Variants in PRKD1 observed in about 807,000 individuals in gnomAD.
PRKD1 encodes the protein serine/threonine-protein kinase D1.
Under a neutral mutation model 95.9 loss-of-function variants are expected in PRKD1, and 63 were observed. The ratio of observed to expected loss-of-function variants is 0.66; its 90% CI spans 0.54 to 0.81. PRKD1 has a LOEUF of 0.81. Among genes scored for constraint, PRKD1 ranks in the 30% least tolerant of loss-of-function variants. The pLI is 0.00. For missense variants in PRKD1, 1,048 were observed against 1,165.3 expected (o/e 0.90, Z 1.47); for synonymous variants, 425 against 423.1 (o/e 1.00, Z -0.05).
At chr14:29,720,193 C>A (rs1885817484) in intron 2 of PRKD1, among the ~76,000 whole-genome samples, 1 of 152,108 alleles carries the variant, frequency 6.6e-6, no homozygotes, top group African/African-American at 2.4e-5. Context: ...GCTTTACAAG[C>A]AATTTTACTT....
chr14:29,902,929 G>A (rs1470227707), intron 1 of PRKD1, among the ~76,000 whole-genome samples: 1 of 152,068 alleles, frequency 6.6e-6, no homozygotes, highest in Non-Finnish European at 1.5e-5. Context: ...AACTAAAAAG[G>A]GAAAAAGAAA....
At position 29,630,746 on chromosome 14, in the gene PRKD1, C is replaced by T; in HGVS notation, c.1668G>A (p.Leu556=). The T allele has an allele frequency of 1.2e-6, 2 of 1,614,024 alleles. No homozygotes were observed. Among genetic ancestry groups the T allele is most frequent in the Non-Finnish European group, 1.7e-6 (2 of 1,179,962 alleles). The change falls in exon 10 of 18, where the codon TTG becomes TTA. Residue 556 remains leucine, a synonymous_variant. Coordinates refer to ENST00000331968, the MANE Select transcript of PRKD1 (RefSeq NM_002742.3). The part of the protein sequence containing the change: ...KGSSVGTGTN[L]HRDISVSISV... ...TTAGAAAACTGGCAGACTCACTGTG[C>T]AAGTTGGTTCCTGTACCCACGGAGG...
intron 2 of PRKD1, among the ~76,000 whole-genome samples, chr14:29,719,010 A>G (rs896650228): frequency 6.7e-6 from 1 of 149,412 alleles, no homozygotes; most frequent in Non-Finnish European, 1.5e-5. Context: ...ATATAATATT[A>G]TATCTAAGAG....
intron 1 of PRKD1, among the ~76,000 whole-genome samples, chr14:29,814,138 C>T (rs548290211): frequency 1.3e-5 from 2 of 152,324 alleles, no homozygotes; most frequent in East Asian, 3.9e-4. Context: ...AATTCCCTTG[C>T]AGCTTCATTT....
intron 1 of PRKD1, among the ~76,000 whole-genome samples, chr14:29,916,174 G>C (rs1213302284): frequency 1.3e-5 from 2 of 152,126 alleles, no homozygotes; most frequent in Non-Finnish European, 2.9e-5. Context: ...AGGCTCCTGG[G>C]ATAAGCTTTT....
At chr14:29,748,138 T>C (rs1887314576) in intron 1 of PRKD1, among the ~76,000 whole-genome samples, 1 of 152,202 alleles carries the variant, frequency 6.6e-6, no homozygotes, top group Non-Finnish European at 1.5e-5. Context: ...CACTGAAGAA[T>C]TATTATTTGC....
chr14:29,761,575 T>C (rs1047346408), intron 1 of PRKD1, among the ~76,000 whole-genome samples: 5 of 152,190 alleles, frequency 3.3e-5, no homozygotes, highest in African/African-American at 1.2e-4. Context: ...TTCTCATGCC[T>C]GATGTTATTA....
intron 2 of PRKD1, among the ~76,000 whole-genome samples, chr14:29,699,156 T>A (rs1229181155): frequency 6.6e-6 from 1 of 152,220 alleles, no homozygotes; most frequent in Non-Finnish European, 1.5e-5. Flanking sequence ...TATTTCTACA[T>A]GTGAAAGTAT....
At chr14:29,693,761 A>G (rs182550829) in intron 2 of PRKD1, among the ~76,000 whole-genome samples, 1 of 152,228 alleles carries the variant, frequency 6.6e-6, no homozygotes, top group East Asian at 1.9e-4. Flanking sequence ...TCTGAGGATG[A>G]AGACTTTATA....
intron 1 of PRKD1, among the ~76,000 whole-genome samples, chr14:29,828,998 G>T (rs1247097445): frequency 6.6e-6 from 1 of 152,094 alleles, no homozygotes; most frequent in African/African-American, 2.4e-5. Context: ...CTTTCTCTTA[G>T]GGGGCCTCTC....
intron 4 of PRKD1, among the ~76,000 whole-genome samples, chr14:29,648,381 G>T (rs923088264): frequency 6.6e-6 from 1 of 151,334 alleles, no homozygotes; most frequent in African/African-American, 2.4e-5. Context: ...GTAGTAGTAT[G>T]CTTTGTTACC....
At chr14:29,646,764 AAC>A (rs1470719984) in intron 4 of PRKD1, among the ~76,000 whole-genome samples, 91 of 152,092 alleles carry the variant, frequency 6.0e-4, no homozygotes, top group African/African-American at 2.1e-3. Flanking sequence ...AAAAAAAAAA[AAC>A]CCACACAGTC....
At chr14:29,911,118 CTT>C (rs1391568696) in intron 1 of PRKD1, among the ~76,000 whole-genome samples, 5 of 151,782 alleles carry the variant, frequency 3.3e-5, no homozygotes, top group African/African-American at 4.9e-5. Flanking sequence ...TATTGAAAAA[CTT>C]AAACTTTGCA....
At chr14:29,805,784 GCT>G (rs962691350) in intron 1 of PRKD1, among the ~76,000 whole-genome samples, 27 of 152,334 alleles carry the variant, frequency 1.8e-4, no homozygotes, top group African/African-American at 6.0e-4. Flanking sequence ...CATGGGCTCT[GCT>G]CTCTAGAACA....
intron 1 of PRKD1, among the ~76,000 whole-genome samples, chr14:29,750,099 G>A (rs1475116665): frequency 6.6e-6 from 1 of 152,112 alleles, no homozygotes; most frequent in Non-Finnish European, 1.5e-5. Context: ...CTCCCTCAGA[G>A]GCAGGATCAA....
chr14:29,849,583 A>C (rs1421196304), intron 1 of PRKD1, among the ~76,000 whole-genome samples: 3 of 149,370 alleles, frequency 2.0e-5, no homozygotes, highest in Non-Finnish European at 4.5e-5. Flanking sequence ...ACAACAAAAA[A>C]AAAACTACCA....
chr14:29,847,317 A>G (rs1338758844), intron 1 of PRKD1, among the ~76,000 whole-genome samples: 1 of 152,224 alleles, frequency 6.6e-6, no homozygotes, highest in Non-Finnish European at 1.5e-5. Flanking sequence ...TCAGCTGAGT[A>G]AGTGGCAGAG....
chr14:29,624,045 T>C (rs918667743), intron 13 of PRKD1, 107 bp downstream of exon 13: 3 of 742,896 alleles, frequency 4.0e-6, no homozygotes, highest in Non-Finnish European at 6.5e-6. Context: ...TTTAAAGTGT[T>C]CCAAAATATT....
chr14:29,862,616 T>C (rs1356836466), intron 1 of PRKD1, among the ~76,000 whole-genome samples: 1 of 152,194 alleles, frequency 6.6e-6, no homozygotes, highest in African/African-American at 2.4e-5. Context: ...TCTCTGATGA[T>C]CAATGATGTT....
Sources: allele counts gnomAD v4.1 joint callset (sites outside exome capture counted in the v4.1 genomes callset), GRCh38; gene constraint gnomAD v4.1.1; transcripts MANE v1.5; gene names NCBI Gene and HGNC (gene_info 2026-07-23, HGNC 2026-07-21).